The following RANBP2 variants were observed in gnomAD, a reference collection of about 807,000 sequenced individuals.
RANBP2 encodes the protein E3 SUMO-protein ligase RanBP2.
In RANBP2, 57 loss-of-function variants were observed where a neutral mutation model predicts 303.6. That is an observed-to-expected ratio of 0.19 (90% CI 0.15 to 0.23). The LOEUF (loss-of-function observed/expected upper bound fraction) is 0.23, where lower values mean the gene tolerates loss of function less well. Among genes scored for constraint, RANBP2 ranks in the 10% least tolerant of loss-of-function variants. The pLI, the probability that RANBP2 is intolerant of heterozygous loss-of-function variation, is 1.00. For missense variants in RANBP2, 3,138 were observed against 3,780.8 expected, an observed-to-expected ratio of 0.83 and a Z score of 4.46; for synonymous variants, 1,167 against 1,301.5, an observed-to-expected ratio of 0.90 and a Z score of 2.23.
the RANBP2 span, among the ~76,000 whole-genome samples, chr2:109,002,443 T>G: frequency 6.6e-6 from 1 of 152,170 alleles, no homozygotes; most frequent in African/African-American, 2.4e-5. Flanking sequence ...CATCCTCCAC[T>G]CTCAGCTGGA....
At chr2:109,321,974 G>A in the RANBP2 span, among the ~76,000 whole-genome samples, 4,966 of 152,208 alleles carry the variant, frequency 0.033, 240 homozygotes, top group East Asian at 0.2. Flanking sequence ...ATTGGTCCTC[G>A]TTATTCAGTA....
At chr2:109,248,797 GTC>G in the RANBP2 span, among the ~76,000 whole-genome samples, 1 of 142,128 alleles carries the variant, frequency 7.0e-6, no homozygotes, top group Admixed American at 7.2e-5. Context: ...TTCTCTTTCT[GTC>G]TCTCTTTCTC....
At chr2:109,210,682 A>T in the RANBP2 span, among the ~76,000 whole-genome samples, 1 of 152,120 alleles carries the variant, frequency 6.6e-6, no homozygotes, top group African/African-American at 2.4e-5. Flanking sequence ...TCCAGGTGGG[A>T]GGCCCAGGAA....
chr2:108,881,968 A>G, the RANBP2 span, among the ~76,000 whole-genome samples: 1 of 151,986 alleles, frequency 6.6e-6, no homozygotes, highest in African/African-American at 2.4e-5. Flanking sequence ...ACATAGCAAG[A>G]CCCTGTTTCT....
the RANBP2 span, among the ~76,000 whole-genome samples, chr2:109,095,002 G>A: frequency 3.3e-5 from 5 of 152,140 alleles, no homozygotes; most frequent in African/African-American, 7.2e-5. Flanking sequence ...AAATGTCTTC[G>A]AAATGTAGAA....
the RANBP2 span, among the ~76,000 whole-genome samples, chr2:109,078,915 C>T: frequency 4.6e-5 from 7 of 151,772 alleles, no homozygotes; most frequent in East Asian, 5.8e-4. Flanking sequence ...GGCATGAACC[C>T]GGGAGGCGGA....
At chr2:108,732,272 A>G (rs1379395232) in intron 4 of RANBP2, among the ~76,000 whole-genome samples, 1 of 152,148 alleles carries the variant, frequency 6.6e-6, no homozygotes, top group Non-Finnish European at 1.5e-5. Flanking sequence ...AAGATTCTGT[A>G]TGCTACTTCA....
the RANBP2 span, among the ~76,000 whole-genome samples, chr2:109,047,285 T>C: frequency 1.3e-5 from 2 of 152,202 alleles, no homozygotes; most frequent in Admixed American, 6.5e-5. Context: ...GATTAGGTAA[T>C]GCAGAGCCAC....
the RANBP2 span, among the ~76,000 whole-genome samples, chr2:109,410,582 G>A: frequency 5.9e-3 from 893 of 152,342 alleles, 11 homozygotes; most frequent in African/African-American, 0.02. Context: ...CTGTGTTGTT[G>A]AGCATCCTGC....
In RANBP2 at chr2:108,764,619, C is replaced by T. The variant is rs769596488; in HGVS notation, c.4080C>T (p.Ser1360=). 14 of 1,614,024 alleles carry T rather than the reference C, an allele frequency of 8.7e-6. No homozygotes were observed. In the Admixed American group the frequency reaches 2.3e-4, roughly 27 times the overall value. The change falls in exon 20 of 29, where the codon AGC becomes AGT. Residue 1360 remains serine (S), a synonymous_variant. Coordinates refer to ENST00000283195, the MANE Select transcript of RANBP2 (RefSeq NM_006267.5). ...KKEGSWWHCN[S]CSLKNASTAK... ...AAGGGTCTTGGTGGCATTGTAACAG[C>T]TGCTCATTAAAGAATGCTTCAACTG... is the stretch of plus-strand genomic sequence containing the variant.
the RANBP2 span, among the ~76,000 whole-genome samples, chr2:109,160,141 C>T: frequency 1.3e-5 from 2 of 152,074 alleles, no homozygotes; most frequent in Non-Finnish European, 2.9e-5. Flanking sequence ...AGACCTGGGC[C>T]AGGATCTGCA....
the RANBP2 span, among the ~76,000 whole-genome samples, chr2:109,194,413 C>G: frequency 8.5e-5 from 13 of 152,226 alleles, no homozygotes; most frequent in Admixed American, 8.5e-4. Flanking sequence ...CCCCTGCCAT[C>G]CACAGTCTTC....
chr2:109,321,872 T>G, the RANBP2 span, among the ~76,000 whole-genome samples: 2 of 152,226 alleles, frequency 1.3e-5, no homozygotes, highest in Non-Finnish European at 2.9e-5. Context: ...GGATTCCCAC[T>G]GCTTACTTCA....
At chr2:109,581,040 G>A in the RANBP2 span, among the ~76,000 whole-genome samples, 22 of 152,374 alleles carry the variant, frequency 1.4e-4, no homozygotes, top group Middle Eastern at 3.4e-3. Context: ...GCATATGCAG[G>A]ACAGCAAAAT....
chr2:109,598,708 C>A, the RANBP2 span, among the ~76,000 whole-genome samples: 1 of 151,362 alleles, frequency 6.6e-6, no homozygotes, highest in Non-Finnish European at 1.5e-5. Context: ...CCAGGCATGG[C>A]AGTGCATGCC....
the RANBP2 span, among the ~76,000 whole-genome samples, chr2:109,136,388 T>C: frequency 6.6e-6 from 1 of 152,132 alleles, no homozygotes; most frequent in East Asian, 1.9e-4. Flanking sequence ...TATTGGAATT[T>C]TAATTAACTT....
the RANBP2 span, among the ~76,000 whole-genome samples, chr2:109,528,837 T>C: frequency 6.6e-6 from 1 of 152,134 alleles, no homozygotes; most frequent in Admixed American, 6.5e-5. Context: ...GGGTGGGTGA[T>C]GTGGTCACAG....
chr2:109,482,128 G>C, the RANBP2 span, among the ~76,000 whole-genome samples: 2 of 152,096 alleles, frequency 1.3e-5, no homozygotes, highest in African/African-American at 4.8e-5. Context: ...GGCTTGTGCA[G>C]CTTTTGAGTT....
chr2:109,235,636 C>G, the RANBP2 span, among the ~76,000 whole-genome samples: 1 of 152,154 alleles, frequency 6.6e-6, no homozygotes, highest in African/African-American at 2.4e-5. Flanking sequence ...TTTGCTTTTG[C>G]TGTTTTTTGG....
Sources: gnomAD v4.1 joint callset for allele counts (sites outside exome capture counted in the v4.1 genomes callset) on GRCh38, gnomAD v4.1.1 for gene constraint, MANE v1.5 for transcripts, NCBI Gene and HGNC (gene_info 2026-07-23, HGNC 2026-07-21) for gene names.